Variants in NPRL3 observed in about 807,000 individuals in gnomAD.
NPRL3 encodes the protein NPR3 like, GATOR1 complex subunit, also known as GATOR1 complex protein NPRL3.
NPRL3 carries 23 observed loss-of-function variants against 57.2 expected under a neutral mutation model. The observed-to-expected ratio is 0.40, with a 90% CI of 0.29 to 0.57. The LOEUF (loss-of-function observed/expected upper bound fraction) is 0.57, where lower values mean the gene tolerates loss of function less well. Ranked by LOEUF, NPRL3 falls within the 20% of genes least tolerant of loss-of-function variation. The probability of loss-of-function intolerance (pLI) is 0.42; values close to 1 mark genes in which losing one functional copy is unlikely to be tolerated. For synonymous variants in NPRL3, 333 were observed against 321.1 expected (o/e 1.04, Z -0.39); for missense variants, 691 against 767.1 (o/e 0.90, Z 1.17).
intron 8 of NPRL3, among the ~76,000 whole-genome samples, chr16:99,416 G>T (rs1463876097): frequency 2.0e-5 from 3 of 152,022 alleles, no homozygotes; most frequent in African/African-American, 7.2e-5. Flanking sequence ...AGGCCGAGGC[G>T]GGTGGATCAC....
At chr16:95,346 T>TACACACACACACACAC (rs1394224081) in intron 9 of NPRL3, among the ~76,000 whole-genome samples, 3 of 46,412 alleles carry the variant, frequency 6.5e-5, no homozygotes, top group African/African-American at 1.5e-4. Context: ...TATATATATA[T>TACACACACACACACAC]ATATACACAC....
At chr16:110,436 C>G in intron 7 of NPRL3, 89 bp downstream of exon 7, 2 of 1,008,144 alleles carry the variant, frequency 2.0e-6, no homozygotes, top group Non-Finnish European at 3.1e-6. Flanking sequence ...TGGTCAGTAC[C>G]GGGGAGCCCT....
At chr16:132,045 A>G (rs1382485083) in intron 2 of NPRL3, among the ~76,000 whole-genome samples, 2 of 148,308 alleles carry the variant, frequency 1.3e-5, no homozygotes, top group East Asian at 3.9e-4. Flanking sequence ...TCACTCTGTC[A>G]TCCAGACTGG....
At chr16:94,160 G>A (rs956153756) in intron 9 of NPRL3, among the ~76,000 whole-genome samples, 2 of 151,656 alleles carry the variant, frequency 1.3e-5, no homozygotes, top group South Asian at 2.1e-4. Context: ...CATGTGCCCC[G>A]ACTCCCACAG....
At chr16:134,390 C>T (rs1251921983) in intron 2 of NPRL3, among the ~76,000 whole-genome samples, 1 of 151,928 alleles carries the variant, frequency 6.6e-6, no homozygotes, top group Non-Finnish European at 1.5e-5. Flanking sequence ...AGTGATGAAT[C>T]TAAGAAGAGT....
intron 3 of NPRL3, among the ~76,000 whole-genome samples, chr16:128,926 C>G (rs941670748): frequency 9.2e-5 from 14 of 152,258 alleles, no homozygotes; most frequent in African/African-American, 3.1e-4. Flanking sequence ...GGGTATGAAC[C>G]CTGTATCTGG....
chr16:98,411 A>G lies in NPRL3; in HGVS notation c.768-110T>C, dbSNP rs556410086. The G allele has an allele frequency of 9.1e-6, 11 of 1,202,518 alleles. No homozygotes were observed. The Admixed American group carries it at 1.1e-4, about 13-fold the overall frequency. The allele number at this position is 1,202,518 out of a possible 1,614,324, so 74.5% of individuals were successfully genotyped here. On this transcript the variant is annotated intron_variant, in intron 8 of 13. Transcript: ENST00000611875. Reference sequence around the variant, plus strand: ...CCGGGTATGCACCAGGTCCTGCACCAGGTATGCACCGGGTATGCACCAGGT... The same window carrying G: ...CCGGGTATGCACCAGGTCCTGCACCGGGTATGCACCGGGTATGCACCAGGT...
At position 100,479 on chromosome 16, in the gene NPRL3, G is replaced by A. The variant is rs561515962; in HGVS notation, c.660C>T (p.His220=). The stretch of plus-strand genomic sequence containing the variant: ...AGCTCACCTCCAGCCAGCTGTTGAT[G>A]TGAAGCCGAACTACGCCCGACGTGC... ...SLCTSGVVRL[H]INSWLEVSFC... is the part of the protein sequence containing the mutation. The change falls in exon 8 of 14, where the codon CAC becomes CAT. Residue 220 remains histidine, a synonymous_variant. Transcript: ENST00000611875. 6 of 1,598,396 alleles carry A rather than the reference G, an allele frequency of 3.8e-6. No homozygotes were observed. The highest frequency in any genetic ancestry group is 3.6e-5 in the Admixed American group (2 of 56,324).
At chr16:130,991 C>G (rs996236711) in intron 2 of NPRL3, among the ~76,000 whole-genome samples, 8 of 152,312 alleles carry the variant, frequency 5.3e-5, no homozygotes, top group African/African-American at 1.7e-4. Flanking sequence ...TAATTAATGC[C>G]ACTTAATTAT....
At position 86,415 on chromosome 16, in the gene NPRL3, C is replaced by A; in HGVS notation, c.*290G>T. 2.3e-6 allele frequency: 1 copy of A among 429,906 alleles called. No homozygotes were observed. The highest frequency in any genetic ancestry group is 4.3e-6 in the Non-Finnish European group (1 of 232,938). The allele number at this position is 429,906 out of a possible 1,614,324, so 26.6% of individuals were successfully genotyped here. A position where few individuals can be genotyped will look rare whatever the true frequency, so the allele number is the denominator to read the frequency against. Reference sequence around the variant, plus strand: ...TGGGCCTTGAAGGATGCGGCCTCACCCAGAGACAGGAGTCCTGGCAGGCCC... The same window carrying A: ...TGGGCCTTGAAGGATGCGGCCTCACACAGAGACAGGAGTCCTGGCAGGCCC... On this transcript the variant is annotated 3_prime_UTR_variant, in exon 14 of 14. Transcript: ENST00000611875.
chr16:98,401 G>C, intron 8 of NPRL3, 100 bp from the exon 9 acceptor site: 1 of 1,333,916 alleles, frequency 7.5e-7, no homozygotes, highest in South Asian at 1.4e-5. Flanking sequence ...TATGCACCAG[G>C]TCCTGCACCA....
intron 8 of NPRL3, among the ~76,000 whole-genome samples, 187 bp from the exon 9 acceptor site, chr16:98,488 A>G (rs765442391): frequency 1.4e-4 from 21 of 152,146 alleles, no homozygotes; most frequent in Non-Finnish European, 2.1e-4. Context: ...GGAACCCTGC[A>G]CCAGGTATGC....
chr16:117,163 G>C (rs1900079163), intron 5 of NPRL3, 138 bp downstream of exon 5: 1 of 610,674 alleles, frequency 1.6e-6, no homozygotes, highest in Non-Finnish European at 3.0e-6. Flanking sequence ...AAACAATGAA[G>C]TGCAGTCTGC....
At chr16:89,572 G>T in intron 12 of NPRL3, 141 bp downstream of exon 12, 1 of 746,230 alleles carries the variant, frequency 1.3e-6, no homozygotes, top group Non-Finnish European at 2.0e-6. Context: ...GTGTCTCCAC[G>T]GGGGACACGA....
At chr16:137,487 C>G (rs531746927) in intron 2 of NPRL3, among the ~76,000 whole-genome samples, 5 of 152,048 alleles carry the variant, frequency 3.3e-5, no homozygotes, top group African/African-American at 4.8e-5. Context: ...CCAACACGGC[C>G]AGGGGTGATC....
At chr16:86,987 G>A (rs1898504243) in intron 13 of NPRL3, 117 bp from the exon 14 acceptor site, 1 of 1,098,372 alleles carries the variant, frequency 9.1e-7, no homozygotes, top group African/African-American at 1.5e-5. Flanking sequence ...AGAGCTGGTG[G>A]TGAAGGCCAG....
At chr16:136,801 G>A (rs1378697965) in intron 2 of NPRL3, among the ~76,000 whole-genome samples, 4 of 151,984 alleles carry the variant, frequency 2.6e-5, no homozygotes, top group Non-Finnish European at 4.4e-5. Context: ...ACTGAGGGCT[G>A]GGGGCCAATA....
intron 8 of NPRL3, among the ~76,000 whole-genome samples, chr16:98,747 G>A (rs757779419): frequency 5.9e-5 from 9 of 152,234 alleles, no homozygotes; most frequent in Non-Finnish European, 1.3e-4. Context: ...AGGCCAGCCT[G>A]GCCAACATGG....
intron 9 of NPRL3, among the ~76,000 whole-genome samples, chr16:96,046 C>G (rs1295150465): frequency 6.6e-6 from 1 of 152,210 alleles, no homozygotes; most frequent in Non-Finnish European, 1.5e-5. Flanking sequence ...GGGGTACAGA[C>G]AGAAGAAAAC....
Sources: allele counts gnomAD v4.1 joint callset (sites outside exome capture counted in the v4.1 genomes callset), GRCh38; gene constraint gnomAD v4.1.1; transcripts MANE v1.5; gene names NCBI Gene and HGNC (gene_info 2026-07-23, HGNC 2026-07-21).